Variants in C1QTNF4 observed in about 807,000 individuals in gnomAD.
The protein encoded by C1QTNF4 is complement C1q tumor necrosis factor-related protein 4.
In C1QTNF4, 12 loss-of-function variants were observed where a neutral mutation model predicts 14.6. The observed-to-expected ratio is 0.82, with a 90% CI of 0.53 to 1.33. C1QTNF4 has a LOEUF of 1.33. C1QTNF4 is among the 40% of genes most tolerant of loss of function. The pLI is 0.00. For synonymous variants in C1QTNF4, 278 were observed against 246.6 expected (o/e 1.13, Z -1.19); for missense variants, 558 against 500.3 (o/e 1.12, Z -1.10).
At chr11:47,592,682 C>T (rs2153796173) in intron 1 of C1QTNF4, among the ~76,000 whole-genome samples, 1 of 152,254 alleles carries the variant, frequency 6.6e-6, no homozygotes, top group South Asian at 2.1e-4. Flanking sequence ...GAGCTGGAGA[C>T]AGCCTGGGAT....
In C1QTNF4 at chr11:47,590,314, G is replaced by T. The variant is rs1420864182; in HGVS notation, c.497C>A (p.Ala166Glu). The change falls in exon 2 of 2, where the codon GCG (alanine) becomes GAG (glutamate). Residue 166 changes from alanine (A) to glutamate (E), a missense_variant. By Grantham distance (107) the Ala-to-Glu change is moderately radical. Transcript: ENST00000302514. ...CTCGGGGGGCGCGGGCGGCCCGCGC[G>T]CAGGCGCGTCAGCGTCGGCGTCGGC... ...VYADADADAP[A>E]RGPPAPPEPR... is the part of the protein sequence containing the mutation. 3 of 1,221,704 alleles carry T rather than the reference G, an allele frequency of 2.5e-6. No homozygotes were observed. Among genetic ancestry groups the T allele is most frequent in the Non-Finnish European group, 3.1e-6 (3 of 977,152 alleles). The allele number at this position is 1,221,704 out of a possible 1,614,324, so 75.7% of individuals were successfully genotyped here. A position where few individuals can be genotyped will look rare whatever the true frequency, so the allele number is the denominator to read the frequency against.
chr11:47,595,261 C>T (rs2097277570), upstream of C1QTNF4, among the ~76,000 whole-genome samples: 1 of 152,214 alleles, frequency 6.6e-6, no homozygotes, highest in African/African-American at 2.4e-5. Context: ...CCCCTGACGG[C>T]TGTAGAGGTG....
chr11:47,593,200 A>G lies in C1QTNF4; in HGVS notation c.-6+948T>C, dbSNP rs575289014. 5.0e-4 allele frequency among the ~76,000 whole-genome samples: 76 copies of G among 152,242 alleles called. 2 individuals carry two copies. The South Asian group carries it at 0.014, about 28-fold the overall frequency. On this transcript the variant is annotated intron_variant, in intron 1 of 1. Coordinates refer to ENST00000302514, the MANE Select transcript of C1QTNF4 (RefSeq NM_031909.3). Reference sequence around the variant, plus strand: ...GGAGCACTGAGGTTTTTTGACTCAAATTCCGTATGCCTTCCTGTCACTCTT... The same window carrying G: ...GGAGCACTGAGGTTTTTTGACTCAAGTTCCGTATGCCTTCCTGTCACTCTT...
chr11:47,590,754 C>CGGGCCCA lies in C1QTNF4; in HGVS notation c.50_56dup (p.Thr20GlyfsTer10), dbSNP rs1209722963. On this transcript the variant is annotated frameshift_variant, in exon 2 of 2. Transcript: ENST00000302514. LOFTEE classifies it high-confidence loss of function. Reference sequence around the variant, plus strand: ...GCTCAGAGGATCCCGGGCCGGGGGTCGGGCCCAGGGCCCAGCAGGCCGCTG... The same window carrying CGGGCCCA: ...GCTCAGAGGATCCCGGGCCGGGGGTCGGGCCCAGGGCCCAGGGCCCAGCAGGCCGCTG... The CGGGCCCA allele has an allele frequency of 3.1e-6, 5 of 1,593,612 alleles. No individual in the cohort carries two copies. Among genetic ancestry groups the CGGGCCCA allele is most frequent in the East Asian group, 2.3e-5 (1 of 43,838 alleles).
chr11:47,594,369 AAG>A lies in C1QTNF4; in HGVS notation c.-229_-228del, dbSNP rs1297983104. 1 of 151,860 alleles carries A rather than the reference AAG, an allele frequency of 6.6e-6. No individual in the cohort carries two copies. Among genetic ancestry groups the A allele is most frequent in the East Asian group, 1.9e-4 (1 of 5,152 alleles). The allele number at this position is 151,860 out of a possible 1,614,324, so 9.4% of individuals were successfully genotyped here. ...GCCGGGCGTGGGGAGGCGTGAGGGAAAGGGAAGGTCAGCTAGAGAGGGAGCCG... is the reference window on the plus strand; with the variant it reads ...GCCGGGCGTGGGGAGGCGTGAGGGAAGGAAGGTCAGCTAGAGAGGGAGCCG... On this transcript the variant is annotated 5_prime_UTR_variant, in exon 1 of 2. Transcript: ENST00000302514.
rs1299824570 is a variant in C1QTNF4, at chr11:47,590,458, G to A, written c.353C>T (p.Ala118Val). The A allele has an allele frequency of 3.3e-6, 5 of 1,519,136 alleles. No individual in the cohort carries two copies. The East Asian group carries it at 7.4e-5, about 23-fold the overall frequency. 94.1% of individuals were successfully genotyped at this position (1,519,136 alleles called of 1,614,324 possible). Residue 118 changes from alanine (A) to valine (V), a missense_variant, in exon 2 of 2, where the codon GCC becomes GTC. Ala to Val is a moderately conservative substitution (Grantham distance 64). Coordinates refer to ENST00000302514, the MANE Select transcript of C1QTNF4 (RefSeq NM_031909.3). ...GAGCTGCAGCATGGCGCTCTGGCTG[G>A]CTGCGCGCCGCGCGCCTGGCCGCCG... Reference protein sequence around the residue: ...EQRRPGARRAASQSAMLQLDY... With the variant: ...EQRRPGARRAVSQSAMLQLDY...
At chr11:47,594,475 C>T (rs1033629728), upstream of C1QTNF4, 1 of 152,340 alleles carries the variant, frequency 6.6e-6, no homozygotes, top group African/African-American at 2.4e-5. Context: ...AGCTGCGGGG[C>T]CTAGGGGCTC....
rs777249507 is a variant in C1QTNF4 at position 47,590,754 on chromosome 11, CGGGCCCAGGGCCCAGCAGGCCGCT to C, written c.33_56del (p.Ala12_Pro19del). ...GCTCAGAGGATCCCGGGCCGGGGGT[CGGGCCCAGGGCCCAGCAGGCCGCT>C]GGGCCCAGCAGGCCCAGCAGAAGCG... On this transcript the variant is annotated inframe_deletion, in exon 2 of 2. Coordinates refer to ENST00000302514, the MANE Select transcript of C1QTNF4 (RefSeq NM_031909.3). The C allele has an allele frequency of 3.5e-4, 562 of 1,593,728 alleles. 1 individual carries two copies. Among genetic ancestry groups the C allele is most frequent in the Middle Eastern group, 8.6e-4 (5 of 5,844 alleles).
At position 47,590,367 on chromosome 11, in the gene C1QTNF4, G is replaced by C. The variant is rs2097274670; in HGVS notation, c.444C>G (p.Gly148=). 3 of 1,380,044 alleles carry C rather than the reference G, an allele frequency of 2.2e-6. No homozygotes were observed. The highest frequency in any genetic ancestry group is 1.6e-5 in the African/African-American group (1 of 64,404). 85.5% of individuals were successfully genotyped at this position (1,380,044 alleles called of 1,614,324 possible). A position where few individuals can be genotyped will look rare whatever the true frequency, so the allele number is the denominator to read the frequency against. ...GAPQYALGAP[G]ATFSGYLVYA... is the part of the protein sequence containing the mutation. ...AGACTAGGTAGCCGCTGAAGGTGGC[G>C]CCGGGCGCGCCTAGCGCGTACTGCG... is the stretch of plus-strand genomic sequence containing the variant. The change falls in exon 2 of 2, where the codon GGC becomes GGG. Residue 148 remains glycine (G), a synonymous_variant. Transcript: ENST00000302514.
In C1QTNF4 at chr11:47,590,211, T is replaced by C. The variant is rs1433528636; in HGVS notation, c.600A>G (p.Pro200=). The C allele has an allele frequency of 1.3e-6, 2 of 1,566,440 alleles. No individual in the cohort carries two copies. Among genetic ancestry groups the C allele is most frequent in the East Asian group, 2.3e-5 (1 of 43,242 alleles). Residue 200 remains proline, a synonymous_variant, in exon 2 of 2, where the codon CCA becomes CCG. Coordinates refer to ENST00000302514, the MANE Select transcript of C1QTNF4 (RefSeq NM_031909.3). ...SDAGPGPRHQ[P]LAFDTEFVNI... is the part of the protein sequence containing the mutation. ...TGACGAACTCGGTGTCGAAGGCGAGTGGTTGGTGCCGCGGCCCGGGGCCAG... is the reference window on the plus strand; with the variant it reads ...TGACGAACTCGGTGTCGAAGGCGAGCGGTTGGTGCCGCGGCCCGGGGCCAG...
rs892757307 is a variant in C1QTNF4 at position 47,590,296 on chromosome 11, GGCGCGGGCGGCCCGC to G, written c.500_514del (p.Arg167_Ala171del). 15 of 1,161,598 alleles carry G rather than the reference GGCGCGGGCGGCCCGC, an allele frequency of 1.3e-5. No homozygotes were observed. The highest frequency in any genetic ancestry group is 1.0e-4 in the African/African-American group (6 of 60,098). 72.0% of individuals were successfully genotyped at this position (1,161,598 alleles called of 1,614,324 possible). ...CGAGAAGGCCGAGCGCGGCTCGGGG[GGCGCGGGCGGCCCGC>G]GCGCAGGCGCGTCAGCGTCGGCGTC... On this transcript the variant is annotated inframe_deletion, in exon 2 of 2. Coordinates refer to ENST00000302514, the MANE Select transcript of C1QTNF4 (RefSeq NM_031909.3).
At position 47,590,788 on chromosome 11, in the gene C1QTNF4, A is replaced by G. The variant is rs1265474244; in HGVS notation, c.23T>C (p.Leu8Pro). The change falls in exon 2 of 2, where the codon CTG (leucine) becomes CCG (proline). Residue 8 changes from leucine (L) to proline (P), a missense_variant. Physicochemically the swap from Leu to Pro is moderately conservative, Grantham distance 98 (BLOSUM62 -3). Transcript: ENST00000302514. MLPLLLG[L>P]LGPAACWALG... is the part of the protein sequence containing the mutation. The stretch of plus-strand genomic sequence containing the variant: ...GGCCCAGCAGGCCGCTGGGCCCAGC[A>G]GGCCCAGCAGAAGCGGCAGCATGGC... 6 of 1,516,892 alleles carry G rather than the reference A, an allele frequency of 4.0e-6. No individual in the cohort carries two copies. The highest frequency in any genetic ancestry group is 5.3e-6 in the Non-Finnish European group (6 of 1,138,570). 94.0% of individuals were successfully genotyped at this position (1,516,892 alleles called of 1,614,324 possible).
chr11:47,594,829 A>T (rs1013298839), upstream of C1QTNF4, among the ~76,000 whole-genome samples: 28 of 152,176 alleles, frequency 1.8e-4, no homozygotes, highest in African/African-American at 6.8e-4. Flanking sequence ...CAGTAAAGGA[A>T]GAGCTGAAAA....
chr11:47,593,307 GGAAT>G lies in C1QTNF4; in HGVS notation c.-6+837_-6+840del, dbSNP rs1479457867. ...TGCAAAACTAGGAGAGGAGATCAGA[GGAAT>G]GAGTCTTGGGATCCAGGGTGAGGAA... On this transcript the variant is annotated intron_variant, in intron 1 of 1. Coordinates refer to ENST00000302514, the MANE Select transcript of C1QTNF4 (RefSeq NM_031909.3). Among the ~76,000 whole-genome samples, 4 of 152,194 alleles carry G rather than the reference GGAAT, an allele frequency of 2.6e-5. No homozygotes were observed. In the South Asian group the frequency reaches 6.2e-4, roughly 24 times the overall value.
Position 47,590,556 on chromosome 11 carries a change from G to A in C1QTNF4, c.255C>T (p.Ala85=). ...GCATCACCGACAGGCTCTTGTGCGG[G>A]GCCTTGCCAGCCGTGAAGGAGAAGA... ...AYFFSFTAGK[A]PHKSLSVMLV... Residue 85 remains alanine, a synonymous_variant, in exon 2 of 2, where the codon GCC becomes GCT. Transcript: ENST00000302514. 1 of 1,599,484 alleles carries A rather than the reference G, an allele frequency of 6.3e-7. No individual in the cohort carries two copies. The highest frequency in any genetic ancestry group is 8.5e-7 in the Non-Finnish European group (1 of 1,174,386).
At chr11:47,590,897 G>T in intron 1 of C1QTNF4, 82 bp from the exon 2 acceptor site, 1 of 1,429,338 alleles carries the variant, frequency 7.0e-7, no homozygotes, top group Non-Finnish European at 9.1e-7. Context: ...GGAGACAAGG[G>T]TTCTCTTCCC....
At position 47,590,722 on chromosome 11, in the gene C1QTNF4, G is replaced by C. The variant is rs1467403416; in HGVS notation, c.89C>G (p.Ser30Trp). 1 of 1,609,958 alleles carries C rather than the reference G, an allele frequency of 6.2e-7. No individual in the cohort carries two copies. The highest frequency in any genetic ancestry group is 1.7e-5 in the Admixed American group (1 of 59,756). The part of the protein sequence containing the change: ...TPGPGSSELR[S>W]AFSAARTTPL... Reference sequence around the variant, plus strand: ...GGTGGTGCGTGCCGCCGAGAAGGCCGAGCGCAGCTCAGAGGATCCCGGGCC... The same window carrying C: ...GGTGGTGCGTGCCGCCGAGAAGGCCCAGCGCAGCTCAGAGGATCCCGGGCC... Residue 30 changes from serine to tryptophan, a missense_variant, in exon 2 of 2, where the codon TCG becomes TGG. Transcript: ENST00000302514.
rs1295614534 is a variant in C1QTNF4 at position 47,590,065 on chromosome 11, TTCA to T, written c.743_745del (p.Met248del). ...CATGGCCTGCACCTCGTCGCGGTTC[TTCA>T]TCAGCTTAACCGACAGCGTCTTACG... On this transcript the variant is annotated inframe_deletion, in exon 2 of 2. Transcript: ENST00000302514. The T allele has an allele frequency of 6.2e-7, 1 of 1,611,148 alleles. No homozygotes were observed. The highest frequency in any genetic ancestry group is 8.5e-7 in the Non-Finnish European group (1 of 1,178,594).
rs186546762 is a variant in C1QTNF4, at chr11:47,589,925, C to A, written c.886G>T (p.Ala296Ser). 13 of 1,601,724 alleles carry A rather than the reference C, an allele frequency of 8.1e-6. No homozygotes were observed. The highest frequency in any genetic ancestry group is 1.1e-5 in the Non-Finnish European group (13 of 1,174,270). ...ATGTACTTGCCGTGGTTGCTGTAGGCGCCGTAGCCGTCGTGGTCGTGGCTG... is the reference window on the plus strand; with the variant it reads ...ATGTACTTGCCGTGGTTGCTGTAGGAGCCGTAGCCGTCGTGGTCGTGGCTG... ...LLSHDHDGYG[A>S]YSNHGKYITF... The change falls in exon 2 of 2, where the codon GCC (alanine) becomes TCC (serine). Residue 296 changes from alanine (A) to serine (S), a missense_variant. Coordinates refer to ENST00000302514, the MANE Select transcript of C1QTNF4 (RefSeq NM_031909.3).
Sources: gnomAD v4.1 joint callset for allele counts (sites outside exome capture counted in the v4.1 genomes callset) on GRCh38, gnomAD v4.1.1 for gene constraint, MANE v1.5 for transcripts, NCBI Gene and HGNC (gene_info 2026-07-23, HGNC 2026-07-21) for gene names.